Variants in HIF1A observed in about 807,000 individuals in gnomAD.
HIF1A encodes hypoxia inducible factor 1 subunit alpha.
Under a neutral mutation model 92.7 loss-of-function variants are expected in HIF1A, and 24 were observed. That is an observed-to-expected ratio of 0.26 (90% CI 0.19 to 0.36). The LOEUF (loss-of-function observed/expected upper bound fraction) is 0.36, where lower values mean the gene tolerates loss of function less well. Among genes scored for constraint, HIF1A ranks in the 10% least tolerant of loss-of-function variants. The pLI is 1.00. For missense variants in HIF1A, 799 were observed against 998.5 expected, an observed-to-expected ratio of 0.80 and a Z score of 2.69; for synonymous variants, 319 against 338.7, an observed-to-expected ratio of 0.94 and a Z score of 0.64.
chr14:61,708,161 T>C (rs891113521), intron 1 of HIF1A, among the ~76,000 whole-genome samples: 5 of 152,220 alleles, frequency 3.3e-5, no homozygotes, highest in African/African-American at 1.2e-4. Context: ...GTTGTTTTTT[T>C]CTTGTAAATT....
intron 1 of HIF1A, among the ~76,000 whole-genome samples, chr14:61,702,914 CATTTTTTCCCATCTAAATAGTGAGG>C: frequency 6.6e-6 from 1 of 152,162 alleles, no homozygotes; most frequent in East Asian, 1.9e-4. Flanking sequence ...TTTACATCTA[CATTTTTTCCCATCTAAATAGTGAGG>C]AAGAGTATCA....
Position 61,740,775 on chromosome 14 carries a change from G to A in HIF1A, c.1680G>A (p.Glu560=), listed in dbSNP as rs745488108. 2.5e-5 allele frequency: 41 copies of A among 1,612,632 alleles called. No homozygotes were observed. In the Admixed American group the frequency reaches 6.5e-4, roughly 26 times the overall value. ...TAAAGGACACAGATTTAGACTTGGA[G>A]ATGTTAGCTCCCTATATCCCAATGG... ...FSTQDTDLDL[E]MLAPYIPMDD... Residue 560 remains glutamate, a synonymous_variant, in exon 12 of 15, where the codon GAG becomes GAA. Coordinates refer to ENST00000337138, the MANE Select transcript of HIF1A (RefSeq NM_001530.4).
chr14:61,737,627 A>G lies in HIF1A; in HGVS notation c.1250-460A>G, dbSNP rs138391655. Among the ~76,000 whole-genome samples, 826 of 152,366 alleles carry G rather than the reference A, an allele frequency of 5.4e-3. 3 individuals carry two copies. The highest frequency in any genetic ancestry group is 9.1e-3 in the Non-Finnish European group (616 of 68,038). ...GGTAACTCAGACTTATGGTTATACT[A>G]TACTATTGTATGTAAACTTTCTGAT... On this transcript the variant is annotated intron_variant, in intron 9 of 14. Coordinates refer to ENST00000337138, the MANE Select transcript of HIF1A (RefSeq NM_001530.4).
At chr14:61,697,658 A>C (rs531764042) in intron 1 of HIF1A, 1 of 1,173,952 alleles carries the variant, frequency 8.5e-7, no homozygotes, top group Middle Eastern at 3.4e-4. Flanking sequence ...GGATGGATTC[A>C]TATTTCTTAG....
At chr14:61,703,997 G>C (rs1359527893) in intron 1 of HIF1A, among the ~76,000 whole-genome samples, 2 of 152,032 alleles carry the variant, frequency 1.3e-5, no homozygotes, top group Non-Finnish European at 2.9e-5. Flanking sequence ...CTAAATATGT[G>C]TTAAGATCAC....
chr14:61,726,442 T>C (rs76269977), intron 4 of HIF1A: 244 of 245,920 alleles, frequency 9.9e-4, no homozygotes, highest in Admixed American at 2.1e-3. Context: ...TGTATTTGAC[T>C]AAGCTTACTG....
intron 9 of HIF1A, 147 bp downstream of exon 9, chr14:61,737,256 T>A (rs2044648538): frequency 1.6e-6 from 1 of 628,510 alleles, no homozygotes; most frequent in Non-Finnish European, 2.7e-6. Flanking sequence ...TGTATTTGCT[T>A]AAATATTTTT....
chr14:61,700,457 C>T (rs979461372), intron 1 of HIF1A, among the ~76,000 whole-genome samples: 9 of 152,304 alleles, frequency 5.9e-5, no homozygotes, highest in South Asian at 4.1e-4. Flanking sequence ...CAAGGTTCAT[C>T]CATGTTGTAG....
chr14:61,717,197 T>C (rs961513782), intron 1 of HIF1A, among the ~76,000 whole-genome samples: 1 of 152,216 alleles, frequency 6.6e-6, no homozygotes, highest in African/African-American at 2.4e-5. Flanking sequence ...CAAATAATTC[T>C]TGGTCAGTAC....
At chr14:61,706,953 G>C (rs767611554) in intron 1 of HIF1A, among the ~76,000 whole-genome samples, 3 of 152,188 alleles carry the variant, frequency 2.0e-5, no homozygotes, top group Non-Finnish European at 4.4e-5. Flanking sequence ...CCATTGAATA[G>C]TCTAGTCAGT....
chr14:61,708,881 G>A (rs1019960425), intron 1 of HIF1A, among the ~76,000 whole-genome samples: 1 of 152,124 alleles, frequency 6.6e-6, no homozygotes, highest in Non-Finnish European at 1.5e-5. Context: ...CATTTTTGTT[G>A]TTTTATTTAT....
At chr14:61,736,490 CT>C (rs2044639599) in intron 8 of HIF1A, among the ~76,000 whole-genome samples, 1 of 152,136 alleles carries the variant, frequency 6.6e-6, no homozygotes, top group Non-Finnish European at 1.5e-5. Flanking sequence ...CCCCTCTCCC[CT>C]AGTAGTCCTC....
In HIF1A at chr14:61,720,468, C is replaced by G; in HGVS notation, c.122C>G (p.Ala41Gly). 6.2e-7 allele frequency: 1 copy of G among 1,613,688 alleles called. No homozygotes were observed. The highest frequency in any genetic ancestry group is 8.5e-7 in the Non-Finnish European group (1 of 1,179,756). The change falls in exon 2 of 15, where the codon GCT (alanine) becomes GGT (glycine). Residue 41 changes from alanine (A) to glycine (G), a missense_variant. Physicochemically the swap from Ala to Gly is moderately conservative, Grantham distance 60. Around this residue, in one of 2 missense-constraint regions of HIF1A, gnomAD observed 516 missense variants for 721.0 expected, o/e 0.72. Transcript: ENST00000337138. Reference sequence around the variant, plus strand: ...GAATCTGAAGTTTTTTATGAGCTTGCTCATCAGTTGCCACTTCCACATAAT... The same window carrying G: ...GAATCTGAAGTTTTTTATGAGCTTGGTCATCAGTTGCCACTTCCACATAAT... ...SKESEVFYEL[A>G]HQLPLPHNVS...
At chr14:61,702,037 C>T (rs936328626) in intron 1 of HIF1A, among the ~76,000 whole-genome samples, 1 of 151,972 alleles carries the variant, frequency 6.6e-6, no homozygotes, top group Non-Finnish European at 1.5e-5. Context: ...ACGTGGTGTA[C>T]ACAGTGAGCT....
intron 12 of HIF1A, among the ~76,000 whole-genome samples, chr14:61,744,078 G>C (rs183007314): frequency 6.6e-6 from 1 of 152,162 alleles, no homozygotes. Flanking sequence ...GATTGATCTT[G>C]TATTTCAATA....
chr14:61,712,811 T>TA (rs1230243395), intron 1 of HIF1A, among the ~76,000 whole-genome samples: 7 of 151,438 alleles, frequency 4.6e-5, no homozygotes, highest in Admixed American at 3.3e-4. Context: ...AAGTCAAACT[T>TA]ACGCACATCA....
chr14:61,736,961 A>C lies in HIF1A; in HGVS notation c.1101A>C (p.Ser367=). The C allele has an allele frequency of 6.8e-6, 11 of 1,614,086 alleles. No individual in the cohort carries two copies. The highest frequency in any genetic ancestry group is 9.3e-6 in the Non-Finnish European group (11 of 1,179,922). The change falls in exon 9 of 15, where the codon TCA becomes TCC. Residue 367 remains serine, a synonymous_variant. Coordinates refer to ENST00000337138, the MANE Select transcript of HIF1A (RefSeq NM_001530.4). ...TECVLKPVES[S]DMKMTQLFTK... is the part of the protein sequence containing the mutation. ...GTGTCCTTAAACCGGTTGAATCTTC[A>C]GATATGAAAATGACTCAGCTATTCA...
chr14:61,700,061 T>C (rs916179373), intron 1 of HIF1A, among the ~76,000 whole-genome samples: 4 of 152,156 alleles, frequency 2.6e-5, no homozygotes, highest in African/African-American at 9.7e-5. Flanking sequence ...AAAACCTGAA[T>C]TTTTAAAACA....
Position 61,695,828 on chromosome 14 carries a change from C to A in HIF1A, c.24C>A (p.Asn8Lys). The change falls in exon 1 of 15, where the codon AAC (asparagine) becomes AAA (lysine). Residue 8 changes from asparagine to lysine, a missense_variant. By Grantham distance (94) the Asn-to-Lys change is moderately conservative (BLOSUM62 0). Around this residue, in one of 2 missense-constraint regions of HIF1A, gnomAD observed 516 missense variants for 721.0 expected, o/e 0.72. Transcript: ENST00000337138. MEGAGGA[N>K]DKKKISSERR... ...CCATGGAGGGCGCCGGCGGCGCGAA[C>A]GACAAGAAAAAGTAAGCCCATTCCC... 1 of 1,593,114 alleles carries A rather than the reference C, an allele frequency of 6.3e-7. No homozygotes were observed. The highest frequency in any genetic ancestry group is 8.5e-7 in the Non-Finnish European group (1 of 1,171,272).
Sources: allele counts gnomAD v4.1 joint callset (sites outside exome capture counted in the v4.1 genomes callset), GRCh38; gene constraint gnomAD v4.1.1; regional missense constraint gnomAD v4.1.1; transcripts MANE v1.5; gene names NCBI Gene and HGNC (gene_info 2026-07-23, HGNC 2026-07-21).